TLL2: variants seen among roughly 807,000 people sequenced by gnomAD.
The protein encoded by TLL2 is tolloid like 2.
In TLL2, 106 loss-of-function variants were observed where a neutral mutation model predicts 123.0. The ratio of observed to expected loss-of-function variants is 0.86; its 90% CI spans 0.74 to 1.01. TLL2 has a LOEUF of 1.01. Ranked by LOEUF, TLL2 falls within the 50% of genes least tolerant of loss-of-function variation. The pLI is 0.00. For synonymous variants in TLL2, 494 were observed against 516.8 expected, an observed-to-expected ratio of 0.96 and a Z score of 0.60; for missense variants, 1,332 against 1,336.7, an observed-to-expected ratio of 1.00 and a Z score of 0.06.
intron 3 of TLL2, among the ~76,000 whole-genome samples, chr10:96,444,614 A>G (rs980406993): frequency 6.6e-6 from 1 of 152,236 alleles, no homozygotes; most frequent in African/African-American, 2.4e-5. Flanking sequence ...TGAAGGCTGT[A>G]TACAAAGTCA....
chr10:96,403,954 G>C (rs1372757241), intron 10 of TLL2, among the ~76,000 whole-genome samples: 1 of 145,586 alleles, frequency 6.9e-6, no homozygotes, highest in Non-Finnish European at 1.5e-5. Context: ...TGCACATCCA[G>C]GCATAGTACC....
At chr10:96,502,422 T>G (rs1046195244) in intron 1 of TLL2, among the ~76,000 whole-genome samples, 6 of 152,220 alleles carry the variant, frequency 3.9e-5, no homozygotes, top group African/African-American at 1.4e-4. Flanking sequence ...CAGCCACTAC[T>G]GCAGCAGCCC....
At chr10:96,494,464 A>G (rs957464048) in intron 1 of TLL2, among the ~76,000 whole-genome samples, 2 of 152,114 alleles carry the variant, frequency 1.3e-5, no homozygotes, top group East Asian at 3.9e-4. Flanking sequence ...CCAAACCAAC[A>G]AACACCCGGG....
At chr10:96,385,911 C>T (rs1846229758) in intron 15 of TLL2, 144 bp downstream of exon 15, 2 of 796,850 alleles carry the variant, frequency 2.5e-6, no homozygotes, top group Non-Finnish European at 1.7e-6. Context: ...AACATTCCCC[C>T]AGATTCTGCT....
At chr10:96,459,703 A>T (rs868860355) in intron 2 of TLL2, among the ~76,000 whole-genome samples, 5,048 of 35,366 alleles carry the variant, frequency 0.14, 336 homozygotes, top group Non-Finnish European at 0.19. Flanking sequence ...AAAAAAAAAA[A>T]AAATATATAT....
chr10:96,384,481 CA>C, intron 16 of TLL2, 105 bp downstream of exon 16: 2 of 1,228,826 alleles, frequency 1.6e-6, no homozygotes, highest in Non-Finnish European at 2.2e-6. Context: ...TGGAGGGATG[CA>C]GGAGCAAGCA....
chr10:96,476,240 A>ATATATATATATTT lies in TLL2; in HGVS notation c.286+4108_286+4109insAAATATATATATA. Among the ~76,000 whole-genome samples the ATATATATATATTT allele has an allele frequency of 4.4e-4, 9 of 20,498 alleles. 2 individuals are homozygous for ATATATATATATTT. Among genetic ancestry groups the ATATATATATATTT allele is most frequent in the Non-Finnish European group, 9.0e-4 (9 of 10,014 alleles). 13.4% of individuals were successfully genotyped at this position (20,498 alleles called of 152,430 possible). A position where few individuals can be genotyped will look rare whatever the true frequency, so the allele number is the denominator to read the frequency against. Reference sequence around the variant, plus strand: ...TTTATATGTATATATATATATATATATTTTATTTTTGTTGTTGTTGTTGTT... The same window carrying ATATATATATATTT: ...TTTATATGTATATATATATATATATATATATATATATTTTTTTATTTTTGTTGTTGTTGTTGTT... On this transcript the variant is annotated intron_variant, in intron 2 of 20. Transcript: ENST00000357947.
intron 1 of TLL2, among the ~76,000 whole-genome samples, chr10:96,481,738 T>A (rs1847313821): frequency 6.6e-6 from 1 of 152,206 alleles, no homozygotes; most frequent in Non-Finnish European, 1.5e-5. Context: ...TTAACTATGT[T>A]TGACAAGGTT....
At chr10:96,433,089 A>T in intron 3 of TLL2, 127 bp from the exon 4 acceptor site, 2 of 1,310,460 alleles carry the variant, frequency 1.5e-6, no homozygotes. Context: ...CTATTTCATC[A>T]GTTCAGGGTT....
chr10:96,497,912 C>T (rs985893969), intron 1 of TLL2, among the ~76,000 whole-genome samples: 7 of 152,258 alleles, frequency 4.6e-5, no homozygotes, highest in African/African-American at 1.7e-4. Flanking sequence ...ATGCCAACAC[C>T]TTTCACTGCT....
intron 3 of TLL2, among the ~76,000 whole-genome samples, chr10:96,436,130 T>G (rs993945701): frequency 6.6e-6 from 1 of 152,234 alleles, no homozygotes; most frequent in African/African-American, 2.4e-5. Flanking sequence ...GTGTCATATA[T>G]TCTTTGTTAC....
chr10:96,377,645 G>C (rs1846149986), intron 17 of TLL2, among the ~76,000 whole-genome samples: 2 of 152,236 alleles, frequency 1.3e-5, no homozygotes, highest in African/African-American at 4.8e-5. Flanking sequence ...AAGCACGGTG[G>C]ACTGTATCAC....
chr10:96,414,547 GTT>G (rs199500406), intron 7 of TLL2, among the ~76,000 whole-genome samples: 2,376 of 152,058 alleles, frequency 0.016, 22 homozygotes, highest in Non-Finnish European at 0.024. Flanking sequence ...TGCCCCTTGG[GTT>G]TCTGCCCTCT....
At chr10:96,434,886 G>A (rs552662561) in intron 3 of TLL2, among the ~76,000 whole-genome samples, 1 of 152,176 alleles carries the variant, frequency 6.6e-6, no homozygotes, top group South Asian at 2.1e-4. Context: ...CATCCTAATG[G>A]TGTGAAGCGG....
rs756774672 is a variant in TLL2 at position 96,432,913 on chromosome 10, G to A, written c.414C>T (p.Ala138=). 4.2e-5 allele frequency: 67 copies of A among 1,613,938 alleles called. No homozygotes were observed. The highest frequency in any genetic ancestry group is 3.7e-4 in the South Asian group (34 of 91,078). ...CCCGGGGAGAGAAGGTCTTGGCTGC[G>A]GCATGCAAGGTCCCAGGGCTGTGCA... ...TLLHSPGTLH[A]AAKTFSPRVR... The change falls in exon 4 of 21, where the codon GCC becomes GCT. Residue 138 remains alanine, a synonymous_variant. Transcript: ENST00000357947.
At chr10:96,486,093 G>T (rs543507935) in intron 1 of TLL2, among the ~76,000 whole-genome samples, 1 of 152,260 alleles carries the variant, frequency 6.6e-6, no homozygotes, top group African/African-American at 2.4e-5. Flanking sequence ...ATTTTGAAAA[G>T]CTACATATCC....
At chr10:96,428,810 T>A (rs1455634674) in intron 4 of TLL2, 62 bp from the exon 5 acceptor site, 3 of 1,153,674 alleles carry the variant, frequency 2.6e-6, no homozygotes, top group Non-Finnish European at 2.5e-6. Context: ...TAGATGCTTT[T>A]TTTTTTCTTT....
intron 1 of TLL2, among the ~76,000 whole-genome samples, chr10:96,488,188 A>C (rs899579106): frequency 5.9e-5 from 9 of 152,214 alleles, no homozygotes; most frequent in Admixed American, 2.0e-4. Flanking sequence ...GAGGAGCTGC[A>C]CCCTGCAGGC....
At chr10:96,432,725 C>G (rs1017627329) in intron 4 of TLL2, 82 bp downstream of exon 4, 1 of 1,531,584 alleles carries the variant, frequency 6.5e-7, no homozygotes, top group South Asian at 1.3e-5. Context: ...CCATCCCACC[C>G]GGGTCCTTCC....
Sources: allele counts gnomAD v4.1 joint callset (sites outside exome capture counted in the v4.1 genomes callset), GRCh38; gene constraint gnomAD v4.1.1; transcripts MANE v1.5; gene names NCBI Gene and HGNC (gene_info 2026-07-23, HGNC 2026-07-21).